ARHGAP12: variants seen among roughly 807,000 people sequenced by gnomAD.
ARHGAP12 encodes rho GTPase-activating protein 12.
Under a neutral mutation model 108.6 loss-of-function variants are expected in ARHGAP12, and 64 were observed. That is an observed-to-expected ratio of 0.59 (90% CI 0.48 to 0.73). The LOEUF (loss-of-function observed/expected upper bound fraction) is 0.73, where lower values mean the gene tolerates loss of function less well. Among genes scored for constraint, ARHGAP12 ranks in the 30% least tolerant of loss-of-function variants. The probability of loss-of-function intolerance (pLI) is 0.00; values close to 1 mark genes in which losing one functional copy is unlikely to be tolerated. For missense variants in ARHGAP12, 940 were observed against 1,005.9 expected (o/e 0.93, Z 0.89); for synonymous variants, 312 against 337.2 (o/e 0.93, Z 0.82).
chr10:31,890,842 A>C (rs1415929584), intron 3 of ARHGAP12, among the ~76,000 whole-genome samples: 5 of 152,244 alleles, frequency 3.3e-5, no homozygotes, highest in African/African-American at 9.6e-5. Flanking sequence ...GCCTAAAAAA[A>C]AGAAAATCCC....
chr10:31,810,943 T>TA (rs1834994028), intron 15 of ARHGAP12, among the ~76,000 whole-genome samples, 196 bp from the exon 16 acceptor site: 1 of 152,168 alleles, frequency 6.6e-6, no homozygotes, highest in Non-Finnish European at 1.5e-5. Flanking sequence ...TACAAACCCT[T>TA]ACTCACTCTT....
At chr10:31,889,619 G>GTTTTTTTTT (rs869116452) in intron 3 of ARHGAP12, among the ~76,000 whole-genome samples, 18 of 66,422 alleles carry the variant, frequency 2.7e-4, no homozygotes, top group South Asian at 6.7e-4. Context: ...AATTTTTCTC[G>GTTTTTTTTT]TTTTTTTTTT....
At chr10:31,872,385 C>T (rs1024871011) in intron 3 of ARHGAP12, among the ~76,000 whole-genome samples, 4 of 152,146 alleles carry the variant, frequency 2.6e-5, no homozygotes, top group Non-Finnish European at 5.9e-5. Context: ...CTCACTACAT[C>T]CTCTGCCTCA....
Position 31,841,602 on chromosome 10 carries a change from A to G in ARHGAP12, c.1296+1859T>C, listed in dbSNP as rs562157321. ...CTACAGTGTACCATGTTACTGAATG[A>G]TTTTGCCCCACTGTAGGTTAATGTA... On this transcript the variant is annotated intron_variant, in intron 7 of 19. Coordinates refer to ENST00000344936, the MANE Select transcript of ARHGAP12 (RefSeq NM_018287.7). 2.0e-5 allele frequency among the ~76,000 whole-genome samples: 3 copies of G among 152,220 alleles called. No individual in the cohort carries two copies. The South Asian group carries it at 6.2e-4, about 32-fold the overall frequency.
At chr10:31,845,728 C>T (rs1836433583) in intron 6 of ARHGAP12, among the ~76,000 whole-genome samples, 2 of 151,856 alleles carry the variant, frequency 1.3e-5, no homozygotes, top group Admixed American at 1.3e-4. Flanking sequence ...GAAGCTGCAG[C>T]GAACCGAAAT....
chr10:31,824,191 A>C (rs909269107), intron 11 of ARHGAP12, among the ~76,000 whole-genome samples: 4 of 152,200 alleles, frequency 2.6e-5, no homozygotes, highest in Admixed American at 1.3e-4. Context: ...TTTTAAAATT[A>C]GCCATAAAAT....
intron 4 of ARHGAP12, among the ~76,000 whole-genome samples, chr10:31,858,076 T>C (rs1422659154): frequency 6.6e-6 from 1 of 152,126 alleles, no homozygotes; most frequent in Non-Finnish European, 1.5e-5. Flanking sequence ...TGGTAGTTCA[T>C]GCTTGTAGTC....
In ARHGAP12 at chr10:31,908,313, G is replaced by C. The variant is rs747315317; in HGVS notation, c.543C>G (p.Pro181=). ...TCTCTACATCCAAGAACTCTGGACCGGGAAAATGACCAAATGAGCGTGTCC... is the reference window on the plus strand; with the variant it reads ...TCTCTACATCCAAGAACTCTGGACCCGGAAAATGACCAAATGAGCGTGTCC... The part of the protein sequence containing the change: ...QNRTRSFGHF[P]GPEFLDVEKT... The change falls in exon 3 of 20, where the codon CCC becomes CCG. Residue 181 remains proline (P), a synonymous_variant. Coordinates refer to ENST00000344936, the MANE Select transcript of ARHGAP12 (RefSeq NM_018287.7). The C allele has an allele frequency of 6.2e-7, 1 of 1,614,066 alleles. No homozygotes were observed. The highest frequency in any genetic ancestry group is 1.7e-5 in the Admixed American group (1 of 60,004).
chr10:31,923,617 A>C (rs540586084), intron 1 of ARHGAP12, among the ~76,000 whole-genome samples: 3 of 152,370 alleles, frequency 2.0e-5, no homozygotes, highest in African/African-American at 7.2e-5. Context: ...CGAACTGTTG[A>C]TACACACAGC....
intron 10 of ARHGAP12, among the ~76,000 whole-genome samples, chr10:31,829,216 C>A (rs547639995): frequency 1.4e-4 from 21 of 152,138 alleles, no homozygotes; most frequent in Non-Finnish European, 2.8e-4. Context: ...GGACATTATG[C>A]CAAGCAAAAT....
intron 10 of ARHGAP12, among the ~76,000 whole-genome samples, chr10:31,831,109 G>A (rs11008668): frequency 0.011 from 1,707 of 152,282 alleles, 17 homozygotes; most frequent in Non-Finnish European, 0.016. Context: ...TAGCAAAAAT[G>A]ATAAACAACT....
intron 13 of ARHGAP12, among the ~76,000 whole-genome samples, chr10:31,815,309 A>AG: frequency 6.6e-6 from 1 of 152,230 alleles, no homozygotes; most frequent in South Asian, 2.1e-4. Flanking sequence ...GAAGGGTTCC[A>AG]GTTTTTTCTT....
intron 18 of ARHGAP12, 116 bp downstream of exon 18, chr10:31,808,878 A>T (rs1029077): frequency 0.21 from 293,928 of 1,368,192 alleles, 32,916 homozygotes; most frequent in East Asian, 0.35. Flanking sequence ...AAATGTTTGG[A>T]GTAAAACAAT....
At chr10:31,860,666 C>T (rs1837078788) in intron 4 of ARHGAP12, among the ~76,000 whole-genome samples, 1 of 152,148 alleles carries the variant, frequency 6.6e-6, no homozygotes, top group African/African-American at 2.4e-5. Flanking sequence ...TGGTCTTGTA[C>T]CGCTGACTGA....
At chr10:31,842,361 TAATA>T (rs1836301511) in intron 7 of ARHGAP12, among the ~76,000 whole-genome samples, 1 of 152,178 alleles carries the variant, frequency 6.6e-6, no homozygotes, top group East Asian at 1.9e-4. Flanking sequence ...ATCTCAACAC[TAATA>T]TATTTTCAAG....
chr10:31,852,643 G>C (rs187430493), intron 5 of ARHGAP12, 46 bp from the exon 6 acceptor site: 3 of 1,316,812 alleles, frequency 2.3e-6, no homozygotes, highest in East Asian at 4.7e-5. Context: ...AAATAAAAGT[G>C]AGTTTAAGCT....
intron 6 of ARHGAP12, among the ~76,000 whole-genome samples, chr10:31,848,081 G>C (rs906519312): frequency 2.0e-5 from 3 of 152,086 alleles, no homozygotes; most frequent in Admixed American, 1.3e-4. Flanking sequence ...TGGCAGAGGT[G>C]CAAGAGCAAG....
intron 6 of ARHGAP12, among the ~76,000 whole-genome samples, chr10:31,846,818 CTT>C (rs1186219017): frequency 6.6e-6 from 1 of 151,252 alleles, no homozygotes; most frequent in Non-Finnish European, 1.5e-5. Flanking sequence ...GCCTCACACT[CTT>C]TCCTTTCTCC....
intron 5 of ARHGAP12, 131 bp from the exon 6 acceptor site, chr10:31,852,728 T>G: frequency 3.1e-6 from 1 of 323,382 alleles, no homozygotes; most frequent in East Asian, 6.6e-5. Flanking sequence ...AACAAAAAAT[T>G]CTTTTTTTTT....
Sources: gnomAD v4.1 joint callset for allele counts (sites outside exome capture counted in the v4.1 genomes callset) on GRCh38, gnomAD v4.1.1 for gene constraint, MANE v1.5 for transcripts, NCBI Gene and HGNC (gene_info 2026-07-23, HGNC 2026-07-21) for gene names.